The following NCKAP5 variants were observed in gnomAD, a reference collection of about 807,000 sequenced individuals.
NCKAP5 encodes the protein nck-associated protein 5.
In NCKAP5, 92 loss-of-function variants were observed where a neutral mutation model predicts 167.0. The observed-to-expected ratio is 0.55, with a 90% CI of 0.47 to 0.66. NCKAP5 has a LOEUF of 0.66. Among genes scored for constraint, NCKAP5 ranks in the 30% least tolerant of loss-of-function variants. NCKAP5 has a pLI of 0.00. For missense variants in NCKAP5, 2,378 were observed against 2,315.0 expected (o/e 1.03, Z -0.56); for synonymous variants, 891 against 877.4 (o/e 1.02, Z -0.27).
chr2:133,279,368 C>A (rs984205534), intron 4 of NCKAP5, among the ~76,000 whole-genome samples: 1 of 152,170 alleles, frequency 6.6e-6, no homozygotes, highest in Non-Finnish European at 1.5e-5. Flanking sequence ...GGCTTCTACA[C>A]CACTCTCTGC....
At chr2:133,279,597 A>C (rs2150455907) in intron 4 of NCKAP5, among the ~76,000 whole-genome samples, 1 of 152,348 alleles carries the variant, frequency 6.6e-6, no homozygotes, top group African/African-American at 2.4e-5. Context: ...TAAGGAAATT[A>C]GATTTATTTA....
intron 2 of NCKAP5, among the ~76,000 whole-genome samples, chr2:133,537,489 T>G (rs1236588301): frequency 6.6e-6 from 1 of 152,146 alleles, no homozygotes; most frequent in African/African-American, 2.4e-5. Context: ...GTTTTATAAG[T>G]TTTAGTGTAC....
chr2:133,462,917 CATT>C (rs1188714193), intron 3 of NCKAP5, among the ~76,000 whole-genome samples: 1 of 152,232 alleles, frequency 6.6e-6, no homozygotes, highest in African/African-American at 2.4e-5. Flanking sequence ...CCAGCCCTCT[CATT>C]ATTGGTTTCA....
intron 6 of NCKAP5, among the ~76,000 whole-genome samples, chr2:133,060,768 T>C (rs972294249): frequency 6.6e-6 from 1 of 152,208 alleles, no homozygotes; most frequent in Admixed American, 6.5e-5. Flanking sequence ...ACGTCTTTCT[T>C]TTCTTAGAAG....
chr2:132,764,353 G>T (rs1413060803), intron 16 of NCKAP5, among the ~76,000 whole-genome samples: 1 of 152,150 alleles, frequency 6.6e-6, no homozygotes, highest in East Asian at 1.9e-4. Flanking sequence ...CTGTTTTCAT[G>T]GGCCTAACTT....
chr2:132,847,192 G>T (rs1688726168), intron 11 of NCKAP5, among the ~76,000 whole-genome samples: 1 of 152,136 alleles, frequency 6.6e-6, no homozygotes, highest in South Asian at 2.1e-4. Flanking sequence ...TCAGCATTGT[G>T]ACAGATTAAA....
intron 3 of NCKAP5, among the ~76,000 whole-genome samples, chr2:133,322,377 G>C (rs1198281815): frequency 6.6e-6 from 1 of 152,208 alleles, no homozygotes; most frequent in Admixed American, 6.5e-5. Context: ...AGGTAGAAAT[G>C]AAAGCTTAGA....
intron 3 of NCKAP5, among the ~76,000 whole-genome samples, chr2:133,511,647 A>C (rs569881829): frequency 6.6e-6 from 1 of 152,340 alleles, no homozygotes; most frequent in East Asian, 1.9e-4. Context: ...AGATCCTCAG[A>C]TGTCACGCCA....
At chr2:133,582,924 A>G in the NCKAP5 span, among the ~76,000 whole-genome samples, 2 of 152,182 alleles carry the variant, frequency 1.3e-5, no homozygotes, top group African/African-American at 4.8e-5. Context: ...ATTTTCACTG[A>G]CAAAATTGTT....
chr2:133,663,102 T>TA, the NCKAP5 span, among the ~76,000 whole-genome samples: 1 of 151,920 alleles, frequency 6.6e-6, no homozygotes, highest in Non-Finnish European at 1.5e-5. Context: ...CCGTCTCTAC[T>TA]AAAAATACAA....
chr2:133,026,609 T>G (rs1457801830), intron 6 of NCKAP5, among the ~76,000 whole-genome samples: 10 of 152,164 alleles, frequency 6.6e-5, no homozygotes, highest in Admixed American at 6.5e-4. Flanking sequence ...TAAACTGGCT[T>G]TATTAGATTT....
At chr2:132,973,121 C>T (rs1173681675) in intron 7 of NCKAP5, among the ~76,000 whole-genome samples, 2 of 152,160 alleles carry the variant, frequency 1.3e-5, no homozygotes, top group East Asian at 1.9e-4. Context: ...AACCTCAACA[C>T]GGTGGCCCTT....
At chr2:133,347,061 C>T (rs1684026323) in intron 3 of NCKAP5, among the ~76,000 whole-genome samples, 1 of 152,176 alleles carries the variant, frequency 6.6e-6, no homozygotes, top group Admixed American at 6.5e-5. Flanking sequence ...CAACCTTACT[C>T]CCTGATTTGT....
chr2:132,735,054 G>T (rs1691379084), intron 16 of NCKAP5, among the ~76,000 whole-genome samples: 1 of 152,250 alleles, frequency 6.6e-6, no homozygotes, highest in Non-Finnish European at 1.5e-5. Context: ...CTGGCATCTA[G>T]CTGGTTGTCT....
intron 6 of NCKAP5, among the ~76,000 whole-genome samples, chr2:133,073,170 A>G (rs1401118440): frequency 3.9e-5 from 6 of 152,224 alleles, no homozygotes; most frequent in Admixed American, 1.3e-4. Context: ...AGGAAATCCA[A>G]TACTTTTTGG....
At chr2:132,986,666 T>A (rs1298444067) in intron 7 of NCKAP5, among the ~76,000 whole-genome samples, 1 of 152,210 alleles carries the variant, frequency 6.6e-6, no homozygotes, top group Non-Finnish European at 1.5e-5. Flanking sequence ...TAAAGGAGAT[T>A]TCTTTTAAAA....
At chr2:133,607,387 T>C in the NCKAP5 span, among the ~76,000 whole-genome samples, 1 of 152,166 alleles carries the variant, frequency 6.6e-6, no homozygotes, top group African/African-American at 2.4e-5. Context: ...TTGCATTTCT[T>C]TATCTTCAGT....
At chr2:133,522,771 T>C (rs1684578276) in intron 2 of NCKAP5, among the ~76,000 whole-genome samples, 1 of 152,222 alleles carries the variant, frequency 6.6e-6, no homozygotes, top group Non-Finnish European at 1.5e-5. Flanking sequence ...AAACATTTTG[T>C]CATGATTTTG....
At chr2:133,440,476 C>T (rs886517052) in intron 3 of NCKAP5, among the ~76,000 whole-genome samples, 4 of 151,828 alleles carry the variant, frequency 2.6e-5, no homozygotes, top group East Asian at 1.9e-4. Context: ...TTTGGGAGGC[C>T]GAGGAGGGTG....
Sources: gnomAD v4.1 joint callset for allele counts (sites outside exome capture counted in the v4.1 genomes callset) on GRCh38, gnomAD v4.1.1 for gene constraint, MANE v1.5 for transcripts, NCBI Gene and HGNC (gene_info 2026-07-23, HGNC 2026-07-21) for gene names.